NPEPPS: variants seen among roughly 807,000 people sequenced by gnomAD.
NPEPPS encodes the protein puromycin-sensitive aminopeptidase.
In NPEPPS, 14 loss-of-function variants were observed where a neutral mutation model predicts 115.5. That is an observed-to-expected ratio of 0.12 (90% CI 0.08 to 0.19). NPEPPS has a LOEUF of 0.19. NPEPPS is among the 10% of genes least tolerant of loss of function. NPEPPS has a pLI of 1.00. For missense variants in NPEPPS, 523 were observed against 1,110.8 expected, an observed-to-expected ratio of 0.47 and a Z score of 7.52; for synonymous variants, 285 against 390.6, an observed-to-expected ratio of 0.73 and a Z score of 3.19.
At chr17:47,605,719 G>A (rs1260420549) in intron 17 of NPEPPS, among the ~76,000 whole-genome samples, 167 bp downstream of exon 17, 1 of 152,126 alleles carries the variant, frequency 6.6e-6, no homozygotes, top group Non-Finnish European at 1.5e-5. Flanking sequence ...AGTTACATGG[G>A]TCAACAACAT....
At chr17:47,536,704 C>CTTTTTTT (rs572115219) in intron 1 of NPEPPS, among the ~76,000 whole-genome samples, 9 of 76,840 alleles carry the variant, frequency 1.2e-4, no homozygotes, top group Non-Finnish European at 1.8e-4. Flanking sequence ...TGCCTGGCTT[C>CTTTTTTT]TTTTTTTTTT....
intron 2 of NPEPPS, among the ~76,000 whole-genome samples, chr17:47,554,123 C>G (rs951827285): frequency 6.6e-6 from 1 of 151,334 alleles, no homozygotes; most frequent in Non-Finnish European, 1.5e-5. Flanking sequence ...TCACTGCAAC[C>G]GCTGCCTCCT....
intron 5 of NPEPPS, among the ~76,000 whole-genome samples, chr17:47,583,525 T>C (rs1320392787): frequency 1.3e-5 from 2 of 151,320 alleles, no homozygotes; most frequent in Non-Finnish European, 2.9e-5. Flanking sequence ...GCGGAGTTTG[T>C]AGTGAGCTGA....
At chr17:47,601,821 GT>G in intron 15 of NPEPPS, 74 bp downstream of exon 15, 4 of 1,410,664 alleles carry the variant, frequency 2.8e-6, no homozygotes, top group Non-Finnish European at 3.9e-6. Flanking sequence ...TTCTGCTTCA[GT>G]TTAGTAGTTT....
At chr17:47,611,186 G>T (rs919838688) in intron 17 of NPEPPS, among the ~76,000 whole-genome samples, 2 of 151,914 alleles carry the variant, frequency 1.3e-5, no homozygotes, top group East Asian at 3.9e-4. Flanking sequence ...CGGCTGGGTG[G>T]CAGTGGCTCA....
intron 1 of NPEPPS, among the ~76,000 whole-genome samples, chr17:47,542,312 C>T (rs527363311): frequency 2.0e-5 from 3 of 151,746 alleles, no homozygotes; most frequent in South Asian, 4.2e-4. Context: ...TTTGGGAGGC[C>T]GAGGCGGGCA....
chr17:47,530,635 G>C (rs1201589708), upstream of NPEPPS, among the ~76,000 whole-genome samples: 1 of 152,168 alleles, frequency 6.6e-6, no homozygotes, highest in Non-Finnish European at 1.5e-5. Context: ...GGGATTACAG[G>C]CGTGAGACAC....
At chr17:47,580,007 A>G (rs1911779085) in intron 4 of NPEPPS, 2 of 150,632 alleles carry the variant, frequency 1.3e-5, no homozygotes, top group African/African-American at 2.4e-5. Context: ...TTGCTGTCCT[A>G]TGTAGGCCAG....
chr17:47,609,329 A>T (rs1284487664), intron 17 of NPEPPS, among the ~76,000 whole-genome samples: 1 of 152,186 alleles, frequency 6.6e-6, no homozygotes, highest in East Asian at 1.9e-4. Flanking sequence ...AAATTAATGG[A>T]TGTTGCACTT....
At chr17:47,612,625 C>A in intron 18 of NPEPPS, 23 bp downstream of exon 18, 1 of 1,605,882 alleles carries the variant, frequency 6.2e-7, no homozygotes, top group South Asian at 1.1e-5. Context: ...CATAAATTCC[C>A]TTGACTTATA....
chr17:47,526,263 A>G (rs937016309), upstream of NPEPPS, among the ~76,000 whole-genome samples: 9 of 152,206 alleles, frequency 5.9e-5, no homozygotes, highest in African/African-American at 2.2e-4. Flanking sequence ...AGTAACAGTC[A>G]GAACAAGTAC....
In NPEPPS at chr17:47,532,903, G is replaced by A. The variant is rs185029595; in HGVS notation, c.255+1348G>A. On this transcript the variant is annotated intron_variant, in intron 1 of 22. Transcript: ENST00000322157. Reference sequence around the variant, plus strand: ...GAAGCCTGTAATAAAAATGGGAACTGTTTGATAGTTATCTGTAAATAGAAT... The same window carrying A: ...GAAGCCTGTAATAAAAATGGGAACTATTTGATAGTTATCTGTAAATAGAAT... Among the ~76,000 whole-genome samples, 149 of 152,162 alleles carry A rather than the reference G, an allele frequency of 9.8e-4. 2 individuals are homozygous for A. The East Asian group carries it at 0.023, about 23-fold the overall frequency.
chr17:47,589,884 GTT>G (rs1912396965), intron 9 of NPEPPS, among the ~76,000 whole-genome samples: 1 of 151,936 alleles, frequency 6.6e-6, no homozygotes, highest in Non-Finnish European at 1.5e-5. Context: ...ATAGTTTTCT[GTT>G]TTTGTTTTTC....
upstream of NPEPPS, among the ~76,000 whole-genome samples, chr17:47,530,377 G>C (rs1223547103): frequency 9.0e-6 from 1 of 111,196 alleles, no homozygotes; most frequent in Non-Finnish European, 1.8e-5. Context: ...TTTTTTTTGA[G>C]ACGGAGTCTT....
At position 47,542,503 on chromosome 17, in the gene NPEPPS, G is replaced by A. The variant is rs772547176; in HGVS notation, c.256-3406G>A. Among the ~76,000 whole-genome samples, 7 of 140,786 alleles carry A rather than the reference G, an allele frequency of 5.0e-5. No homozygotes were observed. The South Asian group carries it at 8.8e-4, about 18-fold the overall frequency. The allele number at this position is 140,786 out of a possible 152,430, so 92.4% of individuals were successfully genotyped here. On this transcript the variant is annotated intron_variant, in intron 1 of 22. Coordinates refer to ENST00000322157, the MANE Select transcript of NPEPPS (RefSeq NM_006310.4). ...GGAGGTTGCGGTGAGCCGAGATCAC[G>A]CCATTGCACTCCAGCCTGGGCAACA...
intron 15 of NPEPPS, chr17:47,601,992 T>C (rs1913228892): frequency 2.4e-6 from 1 of 422,276 alleles, no homozygotes; most frequent in Non-Finnish European, 4.2e-6. Flanking sequence ...AAAAGTAGAC[T>C]GAGTGTAAGC....
At chr17:47,593,770 T>A (rs1241149347) in intron 12 of NPEPPS, among the ~76,000 whole-genome samples, 1 of 152,210 alleles carries the variant, frequency 6.6e-6, no homozygotes, top group African/African-American at 2.4e-5. Flanking sequence ...GTACAGCATG[T>A]TACTGTACTG....
chr17:47,575,574 A>G (rs926694686), intron 3 of NPEPPS, among the ~76,000 whole-genome samples: 3 of 143,034 alleles, frequency 2.1e-5, no homozygotes, highest in Non-Finnish European at 3.0e-5. Context: ...AGGTGTGACA[A>G]TATTGAATTA....
intron 1 of NPEPPS, among the ~76,000 whole-genome samples, chr17:47,542,950 A>G (rs1424379428): frequency 2.6e-5 from 4 of 152,016 alleles, no homozygotes; most frequent in African/African-American, 7.2e-5. Flanking sequence ...CAGCCTGACC[A>G]ACAAGGTGAA....
Sources: allele counts gnomAD v4.1 joint callset (sites outside exome capture counted in the v4.1 genomes callset), GRCh38; gene constraint gnomAD v4.1.1; transcripts MANE v1.5; gene names NCBI Gene and HGNC (gene_info 2026-07-23, HGNC 2026-07-21).